Variants in MAST4 observed in about 807,000 individuals in gnomAD.
MAST4 encodes microtubule associated serine/threonine kinase family member 4.
Under a neutral mutation model 162.7 loss-of-function variants are expected in MAST4, and 89 were observed. The ratio of observed to expected loss-of-function variants is 0.55; its 90% confidence interval spans 0.46 to 0.65. MAST4 has a LOEUF of 0.65. Among genes scored for constraint, MAST4 ranks in the 30% least tolerant of loss-of-function variants. MAST4 has a pLI of 0.00. For missense variants in MAST4, 3,153 were observed against 3,374.0 expected, an observed-to-expected ratio of 0.93 and a Z score of 1.62; for synonymous variants, 1,479 against 1,361.1, an observed-to-expected ratio of 1.09 and a Z score of -1.91.
chr5:66,769,468 G>T (rs961910263), intron 2 of MAST4, among the ~76,000 whole-genome samples: 2 of 152,150 alleles, frequency 1.3e-5, no homozygotes, highest in African/African-American at 4.8e-5. Flanking sequence ...ACGGGGATAC[G>T]TTTAGAGAAT....
chr5:66,710,482 G>A (rs576423242), intron 1 of MAST4, among the ~76,000 whole-genome samples: 2 of 152,102 alleles, frequency 1.3e-5, no homozygotes, highest in South Asian at 4.2e-4. Flanking sequence ...CCTTAGATGT[G>A]GGTCTATAGA....
chr5:66,687,636 TTATC>T (rs34407559), intron 1 of MAST4, among the ~76,000 whole-genome samples: 69,911 of 149,248 alleles, frequency 0.47, 16,911 homozygotes, highest in Admixed American at 0.61. Context: ...GTGTGTGTGT[TTATC>T]TATCTATCTA....
intron 1 of MAST4, among the ~76,000 whole-genome samples, chr5:66,665,098 C>T (rs1463093413): frequency 5.3e-5 from 8 of 152,006 alleles, no homozygotes; most frequent in Non-Finnish European, 5.9e-5. Flanking sequence ...TCCTCAAAAC[C>T]GATTAAAGAG....
At chr5:66,722,482 T>C (rs1751277896) in intron 1 of MAST4, among the ~76,000 whole-genome samples, 1 of 150,440 alleles carries the variant, frequency 6.6e-6, no homozygotes, top group African/African-American at 2.4e-5. Context: ...GTATTTTAAA[T>C]TATCTATCAA....
intron 3 of MAST4, among the ~76,000 whole-genome samples, chr5:66,867,399 A>G (rs1255483558): frequency 2.0e-5 from 3 of 152,228 alleles, no homozygotes; most frequent in African/African-American, 4.8e-5. Context: ...AAATTAAGCT[A>G]AAGTACTAAG....
chr5:67,074,823 A>C (rs1471610929), intron 5 of MAST4, among the ~76,000 whole-genome samples: 1 of 152,226 alleles, frequency 6.6e-6, no homozygotes, highest in African/African-American at 2.4e-5. Flanking sequence ...TATTTTGCAG[A>C]TCCTCTGCCA....
chr5:66,683,647 A>G (rs1049910580), intron 1 of MAST4, among the ~76,000 whole-genome samples: 2 of 152,126 alleles, frequency 1.3e-5, no homozygotes, highest in African/African-American at 4.8e-5. Context: ...GCCCACCTAA[A>G]AACCACTCCG....
At chr5:67,047,568 C>G (rs1377520003) in intron 4 of MAST4, among the ~76,000 whole-genome samples, 1 of 152,214 alleles carries the variant, frequency 6.6e-6, no homozygotes, top group African/African-American at 2.4e-5. Context: ...CCATCGCTAT[C>G]TCATGTACCA....
intron 1 of MAST4, among the ~76,000 whole-genome samples, chr5:66,690,369 T>C (rs1748961127): frequency 6.6e-6 from 1 of 152,172 alleles, no homozygotes; most frequent in Admixed American, 6.6e-5. Flanking sequence ...GCTTCTCTTA[T>C]TTTAGAAACT....
chr5:66,963,332 C>T (rs758702883), intron 4 of MAST4, among the ~76,000 whole-genome samples: 6 of 152,060 alleles, frequency 3.9e-5, no homozygotes, highest in Non-Finnish European at 5.9e-5. Flanking sequence ...GTAAAAACTA[C>T]GATATTTCAC....
chr5:66,857,017 A>G (rs1462591483), intron 3 of MAST4, among the ~76,000 whole-genome samples: 1 of 152,224 alleles, frequency 6.6e-6, no homozygotes, highest in Admixed American at 6.5e-5. Flanking sequence ...AAAAGAAGAA[A>G]ACTTAAAACA....
intron 4 of MAST4, among the ~76,000 whole-genome samples, chr5:66,906,433 T>C (rs886306265): frequency 1.3e-5 from 2 of 152,200 alleles, no homozygotes; most frequent in Non-Finnish European, 2.9e-5. Flanking sequence ...GGTTGGAGTC[T>C]ATTAGGGCTG....
rs886184352 is a variant in MAST4 at position 66,886,613 on chromosome 5, C to A, written c.643-13338C>A. On this transcript the variant is annotated intron_variant, in intron 3 of 28. Transcript: ENST00000403625. Reference sequence around the variant, plus strand: ...AACTATCAGTTTGATGTATCCAAGGCAGTCCAGTGTAATTCTGTGTAAAAA... The same window carrying A: ...AACTATCAGTTTGATGTATCCAAGGAAGTCCAGTGTAATTCTGTGTAAAAA... Among the ~76,000 whole-genome samples the A allele has an allele frequency of 4.0e-5, 6 of 150,844 alleles. No homozygotes were observed. In the South Asian group the frequency reaches 8.5e-4, roughly 21 times the overall value.
intron 4 of MAST4, among the ~76,000 whole-genome samples, chr5:66,916,272 G>A (rs1764113313): frequency 6.6e-6 from 1 of 152,166 alleles, no homozygotes; most frequent in Non-Finnish European, 1.5e-5. Flanking sequence ...GGAGTCCTTG[G>A]AAATGGAGTG....
intron 14 of MAST4, among the ~76,000 whole-genome samples, chr5:67,126,123 C>T (rs1229579872): frequency 4.0e-5 from 6 of 151,230 alleles, no homozygotes; most frequent in Non-Finnish European, 8.8e-5. Context: ...TGTTTAAGTT[C>T]TCTGTAGAGT....
rs182726788 is a variant in MAST4 at position 66,631,994 on chromosome 5, T to C, written c.363+34976T>C. Among the ~76,000 whole-genome samples the C allele has an allele frequency of 5.9e-5, 9 of 152,312 alleles. No homozygotes were observed. The East Asian group carries it at 1.7e-3, about 29-fold the overall frequency. Reference sequence around the variant, plus strand: ...TATGCTCTGTTGTGTTGGGAGATGCTTGACAGTGTTCTATTCATCAGTTGA... The same window carrying C: ...TATGCTCTGTTGTGTTGGGAGATGCCTGACAGTGTTCTATTCATCAGTTGA... On this transcript the variant is annotated intron_variant, in intron 1 of 28. Transcript: ENST00000403625.
chr5:67,123,515 G>A (rs1412171145), intron 14 of MAST4, among the ~76,000 whole-genome samples: 1 of 152,108 alleles, frequency 6.6e-6, no homozygotes, highest in African/African-American at 2.4e-5. Context: ...TATGGTAGTT[G>A]ATATTATTTC....
At chr5:67,052,113 C>T (rs1338316514) in intron 4 of MAST4, among the ~76,000 whole-genome samples, 1 of 152,154 alleles carries the variant, frequency 6.6e-6, no homozygotes, top group African/African-American at 2.4e-5. Context: ...ATATGGTAAA[C>T]TGTTCAAATT....
At chr5:66,954,978 A>G (rs1438115649) in intron 4 of MAST4, among the ~76,000 whole-genome samples, 1 of 149,300 alleles carries the variant, frequency 6.7e-6, no homozygotes, top group East Asian at 1.9e-4. Flanking sequence ...AGGTGGGTGG[A>G]TCACTTGAGT....
Sources: allele counts gnomAD v4.1 joint callset (sites outside exome capture counted in the v4.1 genomes callset), GRCh38; gene constraint gnomAD v4.1.1; transcripts MANE v1.5; gene names NCBI Gene and HGNC (gene_info 2026-07-23, HGNC 2026-07-21).